HTR7: variants seen among roughly 807,000 people sequenced by gnomAD.
The protein encoded by HTR7 is 5-HT-7.
Under a neutral mutation model 34.0 loss-of-function variants are expected in HTR7, and 16 were observed. The observed-to-expected ratio is 0.47, with a 90% CI of 0.32 to 0.71. The LOEUF (loss-of-function observed/expected upper bound fraction) is 0.71. Ranked by LOEUF, HTR7 falls within the 30% of genes least tolerant of loss-of-function variation. The probability of loss-of-function intolerance (pLI) is 0.04; values close to 1 mark genes in which losing one functional copy is unlikely to be tolerated. For missense variants in HTR7, 504 were observed against 625.5 expected (o/e 0.81, Z 2.07); for synonymous variants, 265 against 260.2 (o/e 1.02, Z -0.18).
chr10:90,790,536 C>T (rs1256074457), intron 1 of HTR7, among the ~76,000 whole-genome samples: 14 of 152,100 alleles, frequency 9.2e-5, no homozygotes, highest in Admixed American at 8.5e-4. Flanking sequence ...TTCTGCCAAA[C>T]GGTGACAAAT....
At chr10:90,805,202 G>C (rs796404037) in intron 1 of HTR7, among the ~76,000 whole-genome samples, 14 of 152,274 alleles carry the variant, frequency 9.2e-5, no homozygotes, top group African/African-American at 2.9e-4. Context: ...CATTACTATA[G>C]GGGGCTACTC....
Position 90,857,693 on chromosome 10 carries a change from C to G in HTR7, c.-22G>C. 1 of 1,489,380 alleles carries G rather than the reference C, an allele frequency of 6.7e-7. No individual in the cohort carries two copies. Among genetic ancestry groups the G allele is most frequent in the Non-Finnish European group, 8.8e-7 (1 of 1,133,490 alleles). The allele number at this position is 1,489,380 out of a possible 1,614,324, so 92.3% of individuals were successfully genotyped here. A position where few individuals can be genotyped will look rare whatever the true frequency, so the allele number is the denominator to read the frequency against. On this transcript the variant is annotated 5_prime_UTR_variant, in exon 1 of 4. Coordinates refer to ENST00000336152, the MANE Select transcript of HTR7 (RefSeq NM_019859.4). The surrounding 1 kb of genome is among the most constrained non-coding windows in gnomAD (Gnocchi z 6.5). ...TCATCGCGCCGCCGTGTGCCGCTGC[C>G]CATGGAGCCGGCGCCCCGGCCACGC...
chr10:90,764,353 T>C (rs1372106553), intron 1 of HTR7, among the ~76,000 whole-genome samples: 1 of 152,220 alleles, frequency 6.6e-6, no homozygotes. Context: ...AGATTCTGGA[T>C]ATTAGACCCT....
At chr10:90,819,059 T>G (rs879923938) in intron 1 of HTR7, among the ~76,000 whole-genome samples, 36 of 152,220 alleles carry the variant, frequency 2.4e-4, no homozygotes, top group Non-Finnish European at 5.0e-4. Context: ...AAACTTGCTT[T>G]CTTTATAAAT....
intron 1 of HTR7, among the ~76,000 whole-genome samples, chr10:90,855,438 A>T (rs570053803): frequency 6.6e-6 from 1 of 152,348 alleles, no homozygotes; most frequent in East Asian, 1.9e-4. Flanking sequence ...TTATTTATGT[A>T]TCATTTATCA....
chr10:90,742,426 T>A lies in HTR7; in HGVS notation c.*56A>T. The A allele has an allele frequency of 7.3e-7, 1 of 1,370,646 alleles. No homozygotes were observed. The highest frequency in any genetic ancestry group is 1.0e-6 in the Non-Finnish European group (1 of 975,458). 84.9% of individuals were successfully genotyped at this position (1,370,646 alleles called of 1,614,324 possible). A position where few individuals can be genotyped will look rare whatever the true frequency, so the allele number is the denominator to read the frequency against. On this transcript the variant is annotated 3_prime_UTR_variant, in exon 4 of 4. Coordinates refer to ENST00000336152, the MANE Select transcript of HTR7 (RefSeq NM_019859.4). ...CATTCTGCAGACTCAGCAAATGACT[T>A]CCTTCTGTTTCCACCTCTATTTTGC...
chr10:90,827,584 T>A (rs1163644262), intron 1 of HTR7, among the ~76,000 whole-genome samples: 1 of 152,176 alleles, frequency 6.6e-6, no homozygotes, highest in Non-Finnish European at 1.5e-5. Flanking sequence ...GTAGCTATAC[T>A]TTTATCAGAC....
chr10:90,769,780 C>T (rs930674526), intron 1 of HTR7, among the ~76,000 whole-genome samples: 3 of 152,170 alleles, frequency 2.0e-5, no homozygotes, highest in Non-Finnish European at 4.4e-5. Flanking sequence ...AAAACTTTAA[C>T]AGCAAAACCA....
At chr10:90,819,040 G>A (rs1272026203) in intron 1 of HTR7, among the ~76,000 whole-genome samples, 1 of 152,160 alleles carries the variant, frequency 6.6e-6, no homozygotes, top group Non-Finnish European at 1.5e-5. Flanking sequence ...GTGGACCCAT[G>A]AGCCAATTAA....
chr10:90,760,929 T>C (rs770290953), intron 1 of HTR7, among the ~76,000 whole-genome samples: 4 of 152,154 alleles, frequency 2.6e-5, no homozygotes, highest in Non-Finnish European at 5.9e-5. Flanking sequence ...TGTACAATTA[T>C]TATGTGTCAA....
At chr10:90,832,867 G>C (rs1422813972) in intron 1 of HTR7, among the ~76,000 whole-genome samples, 2 of 152,206 alleles carry the variant, frequency 1.3e-5, no homozygotes, top group Non-Finnish European at 2.9e-5. Flanking sequence ...AAAAAGACCA[G>C]TGACTTCCAG....
At chr10:90,807,416 A>G (rs1449980441) in intron 1 of HTR7, among the ~76,000 whole-genome samples, 2 of 152,128 alleles carry the variant, frequency 1.3e-5, no homozygotes, top group Non-Finnish European at 2.9e-5. Context: ...TCAACTGATG[A>G]CATTCCACCA....
intron 2 of HTR7, among the ~76,000 whole-genome samples, chr10:90,748,631 C>A (rs1222651950): frequency 6.6e-6 from 1 of 152,236 alleles, no homozygotes; most frequent in Non-Finnish European, 1.5e-5. Flanking sequence ...AAATTAGTCT[C>A]ATCTACCAAT....
intron 1 of HTR7, among the ~76,000 whole-genome samples, chr10:90,796,721 T>TA (rs1464687738): frequency 6.6e-6 from 1 of 151,952 alleles, no homozygotes; most frequent in Non-Finnish European, 1.5e-5. Context: ...CTAAAATGAT[T>TA]AAAAAACAGA....
intron 1 of HTR7, among the ~76,000 whole-genome samples, chr10:90,792,964 A>G (rs1845481774): frequency 6.6e-6 from 1 of 152,134 alleles, no homozygotes; most frequent in African/African-American, 2.4e-5. Flanking sequence ...AGAAAACATA[A>G]AGAAAAGCTT....
At chr10:90,855,500 G>A (rs977453728) in intron 1 of HTR7, among the ~76,000 whole-genome samples, 2 of 152,152 alleles carry the variant, frequency 1.3e-5, no homozygotes, top group African/African-American at 2.4e-5. Flanking sequence ...AGCATAAACC[G>A]TTATTTGTTT....
intron 1 of HTR7, among the ~76,000 whole-genome samples, chr10:90,767,654 C>T (rs12258641): frequency 0.012 from 1,870 of 152,204 alleles, 38 homozygotes; most frequent in African/African-American, 0.042. Context: ...TGAGGCTGAC[C>T]CTTAAGAGAT....
At chr10:90,818,545 C>A (rs1167379045) in intron 1 of HTR7, among the ~76,000 whole-genome samples, 1 of 151,772 alleles carries the variant, frequency 6.6e-6, no homozygotes, top group Non-Finnish European at 1.5e-5. Flanking sequence ...GACTCCATCT[C>A]AAAAAAAGAA....
chr10:90,821,649 CAA>C (rs1845983175), intron 1 of HTR7, among the ~76,000 whole-genome samples: 1 of 152,184 alleles, frequency 6.6e-6, no homozygotes, highest in African/African-American at 2.4e-5. Flanking sequence ...AGTGAGACAC[CAA>C]CCAGTACAGC....
Sources: allele counts gnomAD v4.1 joint callset (sites outside exome capture counted in the v4.1 genomes callset), GRCh38; gene constraint gnomAD v4.1.1; non-coding constraint Gnocchi (gnomAD v3.1); transcripts MANE v1.5; gene names NCBI Gene and HGNC (gene_info 2026-07-23, HGNC 2026-07-21).